Variants in GALNT10 observed in about 807,000 individuals in gnomAD.
GALNT10 encodes polypeptide N-acetylgalactosaminyltransferase 10, also known as GalNAc transferase 10.
Under a neutral mutation model 75.0 loss-of-function variants are expected in GALNT10, and 41 were observed. The observed-to-expected ratio is 0.55, with a 90% CI of 0.43 to 0.71. The LOEUF (loss-of-function observed/expected upper bound fraction) is 0.71. GALNT10 is among the 30% of genes least tolerant of loss of function. The pLI is 0.00. For missense variants in GALNT10, 727 were observed against 818.5 expected (o/e 0.89, Z 1.36); for synonymous variants, 302 against 313.0 (o/e 0.96, Z 0.37).
intron 6 of GALNT10, among the ~76,000 whole-genome samples, chr5:154,383,477 C>A (rs1441341688): frequency 6.6e-6 from 1 of 152,164 alleles, no homozygotes; most frequent in Non-Finnish European, 1.5e-5. Flanking sequence ...AAGTAAGTAG[C>A]ACACACTGGA....
chr5:154,332,526 A>G (rs1189871030), intron 4 of GALNT10, among the ~76,000 whole-genome samples: 10 of 152,104 alleles, frequency 6.6e-5, no homozygotes, highest in Admixed American at 6.5e-5. Flanking sequence ...ATTATTCACC[A>G]TGCTGCATGC....
At chr5:154,330,561 C>G (rs1177415160) in intron 4 of GALNT10, among the ~76,000 whole-genome samples, 1 of 152,178 alleles carries the variant, frequency 6.6e-6, no homozygotes, top group African/African-American at 2.4e-5. Flanking sequence ...CATCCAGAGC[C>G]TCTTAGCTGT....
At chr5:154,215,309 C>T (rs1011395121) in intron 1 of GALNT10, among the ~76,000 whole-genome samples, 30 of 152,060 alleles carry the variant, frequency 2.0e-4, no homozygotes, top group African/African-American at 7.0e-4. Context: ...AGTGAAACCC[C>T]GTCTCTACTA....
At chr5:154,207,608 C>G (rs1450830897) in intron 1 of GALNT10, among the ~76,000 whole-genome samples, 1 of 152,136 alleles carries the variant, frequency 6.6e-6, no homozygotes, top group Admixed American at 6.5e-5. Context: ...GCAGAAAAGG[C>G]TCCCTGAAGG....
chr5:154,351,302 A>T (rs1328661396), intron 4 of GALNT10, among the ~76,000 whole-genome samples: 1 of 152,226 alleles, frequency 6.6e-6, no homozygotes, highest in Non-Finnish European at 1.5e-5. Context: ...TGAACTTGGC[A>T]GCTGACCTGA....
chr5:154,265,116 T>C (rs922653749), intron 1 of GALNT10, among the ~76,000 whole-genome samples: 6 of 152,212 alleles, frequency 3.9e-5, no homozygotes, highest in African/African-American at 1.4e-4. Flanking sequence ...TTCTAAACCT[T>C]ACATGTTCTC....
Position 154,399,727 on chromosome 5 carries a change from C to T in GALNT10, c.1057-4377C>T, listed in dbSNP as rs79213083. Among the ~76,000 whole-genome samples, 408 of 152,290 alleles carry T rather than the reference C, an allele frequency of 2.7e-3. 3 individuals are homozygous for T. The highest frequency in any genetic ancestry group is 9.6e-3 in the African/African-American group (399 of 41,548). On this transcript the variant is annotated intron_variant, in intron 7 of 11. Coordinates refer to ENST00000297107, the MANE Select transcript of GALNT10 (RefSeq NM_198321.4). Reference sequence around the variant, plus strand: ...CTCTTTCATGACCGAGTGCCTCTTACGGGCAGAGCACTGTGCTAGGCACTG... The same window carrying T: ...CTCTTTCATGACCGAGTGCCTCTTATGGGCAGAGCACTGTGCTAGGCACTG...
intron 1 of GALNT10, among the ~76,000 whole-genome samples, chr5:154,198,398 C>T (rs1381263634): frequency 1.3e-5 from 2 of 152,184 alleles, no homozygotes; most frequent in Non-Finnish European, 2.9e-5. Context: ...TGAAGTGCCT[C>T]GCCTATGGCA....
At chr5:154,358,545 A>C (rs1037554051) in intron 4 of GALNT10, among the ~76,000 whole-genome samples, 1 of 152,198 alleles carries the variant, frequency 6.6e-6, no homozygotes, top group Non-Finnish European at 1.5e-5. Flanking sequence ...AAAAGTAGAC[A>C]TTCCACTTAA....
rs1755650334 is a variant in GALNT10, at chr5:154,376,258, G to A, written c.569-19G>A. ...ACTAAGCAACTGTTCTCACTCTTCT[G>A]TCCTCTTCTGTCTCATAGAGCACCT... On this transcript the variant is annotated intron_variant, in intron 4 of 11. Coordinates refer to ENST00000297107, the MANE Select transcript of GALNT10 (RefSeq NM_198321.4). This position sits in a 1 kb window ranked among gnomAD's most constrained non-coding sequence, Gnocchi z 4.1. The A allele has an allele frequency of 6.5e-7, 1 of 1,547,398 alleles. No homozygotes were observed. Among genetic ancestry groups the A allele is most frequent in the African/African-American group, 1.4e-5 (1 of 73,244 alleles).
At chr5:154,197,750 T>A (rs1329880421) in intron 1 of GALNT10, among the ~76,000 whole-genome samples, 1 of 152,214 alleles carries the variant, frequency 6.6e-6, no homozygotes, top group African/African-American at 2.4e-5. Context: ...TTACCATTTA[T>A]TTAGCACTTA....
At chr5:154,192,380 C>T (rs973980384) in intron 1 of GALNT10, among the ~76,000 whole-genome samples, 3 of 152,246 alleles carry the variant, frequency 2.0e-5, no homozygotes, top group Non-Finnish European at 4.4e-5. Flanking sequence ...CTGGTTCAAA[C>T]CCTGACAGCT....
At chr5:154,368,431 A>G (rs1755512015) in intron 4 of GALNT10, among the ~76,000 whole-genome samples, 1 of 152,238 alleles carries the variant, frequency 6.6e-6, no homozygotes, top group Non-Finnish European at 1.5e-5. Flanking sequence ...TATGTGAATT[A>G]TATCTCAGTA....
intron 4 of GALNT10, among the ~76,000 whole-genome samples, chr5:154,330,395 G>A (rs913495936): frequency 3.9e-5 from 6 of 152,224 alleles, no homozygotes; most frequent in Non-Finnish European, 7.3e-5. Context: ...GAGATGTCAA[G>A]TAAGCCCAGC....
At chr5:154,299,786 A>G (rs1296594224) in intron 3 of GALNT10, among the ~76,000 whole-genome samples, 1 of 150,490 alleles carries the variant, frequency 6.6e-6, no homozygotes, top group Non-Finnish European at 1.5e-5. Context: ...GTGCTTTCCC[A>G]CGGGCTTTGC....
intron 1 of GALNT10, among the ~76,000 whole-genome samples, chr5:154,264,243 G>A (rs1333353734): frequency 6.6e-6 from 1 of 151,094 alleles, no homozygotes; most frequent in African/African-American, 2.4e-5. Context: ...AACCTGGGAG[G>A]CGGAGGTTGC....
chr5:154,269,286 G>A (rs901235974), intron 1 of GALNT10, among the ~76,000 whole-genome samples: 5 of 152,154 alleles, frequency 3.3e-5, no homozygotes, highest in Admixed American at 3.3e-4. Context: ...CTTAATAAAT[G>A]CTAGCTATTA....
At chr5:154,386,163 G>A in intron 6 of GALNT10, 150 bp from the exon 7 acceptor site, 1 of 632,972 alleles carries the variant, frequency 1.6e-6, no homozygotes, top group Non-Finnish European at 2.8e-6. Context: ...GGGGATGCCT[G>A]GAAGGGCCTT....
At chr5:154,333,086 A>T (rs552407532) in intron 4 of GALNT10, among the ~76,000 whole-genome samples, 2 of 152,354 alleles carry the variant, frequency 1.3e-5, no homozygotes, top group East Asian at 3.9e-4. Context: ...GGAGAACCTC[A>T]CAGGCACATG....
Sources: allele counts gnomAD v4.1 joint callset (sites outside exome capture counted in the v4.1 genomes callset), GRCh38; gene constraint gnomAD v4.1.1; non-coding constraint Gnocchi (gnomAD v3.1); transcripts MANE v1.5; gene names NCBI Gene and HGNC (gene_info 2026-07-23, HGNC 2026-07-21).